The following MRC2 variants were observed in gnomAD, a reference collection of about 807,000 sequenced individuals.
MRC2 encodes C-type mannose receptor 2.
MRC2 carries 84 observed loss-of-function variants against 206.2 expected under a neutral mutation model. The observed-to-expected ratio is 0.41, with a 90% CI of 0.34 to 0.49. MRC2 has a LOEUF of 0.49. Among genes scored for constraint, MRC2 ranks in the 20% least tolerant of loss-of-function variants. The pLI is 0.31. For missense variants in MRC2, 1,676 were observed against 2,001.5 expected (o/e 0.84, Z 3.10); for synonymous variants, 798 against 800.0 (o/e 1.00, Z 0.04).
chr17:62,656,611 C>T (rs1354243924), intron 1 of MRC2, among the ~76,000 whole-genome samples: 1 of 152,212 alleles, frequency 6.6e-6, no homozygotes. Flanking sequence ...GAGGGTCCAG[C>T]CTCCAGGCAC....
chr17:62,687,450 G>A (rs149651771), intron 20 of MRC2, among the ~76,000 whole-genome samples: 163 of 152,294 alleles, frequency 1.1e-3, no homozygotes, highest in African/African-American at 3.4e-3. Context: ...GTGAGCCACC[G>A]TGCCTGGCCA....
At chr17:62,670,100 C>T (rs2088808786) in intron 6 of MRC2, among the ~76,000 whole-genome samples, 2 of 152,244 alleles carry the variant, frequency 1.3e-5, no homozygotes, top group Non-Finnish European at 2.9e-5. Context: ...TCTTCCCGGA[C>T]CTGCAGACAG....
At chr17:62,653,436 T>TC (rs1262249374) in intron 1 of MRC2, among the ~76,000 whole-genome samples, 3 of 151,924 alleles carry the variant, frequency 2.0e-5, no homozygotes, top group Non-Finnish European at 4.4e-5. Context: ...ACAGTCGCCT[T>TC]CCCCACCACC....
At chr17:62,663,141 G>T (rs2088701283) in intron 1 of MRC2, among the ~76,000 whole-genome samples, 1 of 152,030 alleles carries the variant, frequency 6.6e-6, no homozygotes, top group Non-Finnish European at 1.5e-5. Context: ...GGGACACTGG[G>T]AGTAGGTCAC....
chr17:62,666,949 G>C lies in MRC2; in HGVS notation c.973+79G>C. The C allele has an allele frequency of 3.7e-6, 4 of 1,092,434 alleles. No homozygotes were observed. In the South Asian group the frequency reaches 5.6e-5, roughly 15 times the overall value. The allele number at this position is 1,092,434 out of a possible 1,614,324, so 67.7% of individuals were successfully genotyped here. A position where few individuals can be genotyped will look rare whatever the true frequency, so the allele number is the denominator to read the frequency against. Reference sequence around the variant, plus strand: ...GCCTCCCATGGACTCCTCTCCTCATGTCCTCCTGCAGAGGGGCAGTGTGGG... The same window carrying C: ...GCCTCCCATGGACTCCTCTCCTCATCTCCTCCTGCAGAGGGGCAGTGTGGG... On this transcript the variant is annotated intron_variant, in intron 5 of 29. Coordinates refer to ENST00000303375, the MANE Select transcript of MRC2 (RefSeq NM_006039.5). The surrounding 1 kb of genome is among the most constrained non-coding windows in gnomAD (Gnocchi z 5.0).
chr17:62,690,617 T>C, intron 26 of MRC2, 25 bp from the exon 27 acceptor site: 1 of 1,578,730 alleles, frequency 6.3e-7, no homozygotes, highest in Non-Finnish European at 8.6e-7. Flanking sequence ...CCATCCGCCC[T>C]GACGTGGGCC....
Position 62,652,173 on chromosome 17 carries a change from C to T in MRC2, c.119-12375C>T, listed in dbSNP as rs1343709442. On this transcript the variant is annotated intron_variant, in intron 1 of 29. Transcript: ENST00000303375. The surrounding 1 kb of genome is among the most constrained non-coding windows in gnomAD (Gnocchi z 4.6). Reference sequence around the variant, plus strand: ...AACTACATTTTAAAAAAATGCTTTCCCCCAAATTCGTATGGATGTCTCCTA... The same window carrying T: ...AACTACATTTTAAAAAAATGCTTTCTCCCAAATTCGTATGGATGTCTCCTA... Among the ~76,000 whole-genome samples, 1 of 152,216 alleles carries T rather than the reference C, an allele frequency of 6.6e-6. No homozygotes were observed. The highest frequency in any genetic ancestry group is 1.9e-4 in the East Asian group (1 of 5,206).
At chr17:62,663,156 T>A (rs1243934313) in intron 1 of MRC2, among the ~76,000 whole-genome samples, 1 of 152,066 alleles carries the variant, frequency 6.6e-6, no homozygotes, top group African/African-American at 2.4e-5. Flanking sequence ...GGTCACTTCA[T>A]GTCTCTAAGA....
In MRC2 at chr17:62,680,650, G is replaced by C. The variant is rs1195353108; in HGVS notation, c.2474-150G>C. ...GGAGGCGAGGCAAGCCTGGGGCCTG[G>C]GGCCTGGCACGGTGCCTGCCTGGGT... On this transcript the variant is annotated intron_variant, in intron 16 of 29. Transcript: ENST00000303375. The surrounding 1 kb of genome is among the most constrained non-coding windows in gnomAD (Gnocchi z 4.8). 7.8e-7 allele frequency: 1 copy of C among 1,275,126 alleles called. No individual in the cohort carries two copies. Among genetic ancestry groups the C allele is most frequent in the Non-Finnish European group, 1.1e-6 (1 of 950,440 alleles). The allele number at this position is 1,275,126 out of a possible 1,614,324, so 79.0% of individuals were successfully genotyped here.
chr17:62,648,248 A>G (rs2088514102), intron 1 of MRC2, among the ~76,000 whole-genome samples: 1 of 152,252 alleles, frequency 6.6e-6, no homozygotes, highest in African/African-American at 2.4e-5. Flanking sequence ...TACTAAAAAT[A>G]CAAAAATAAG....
intron 18 of MRC2, 40 bp from the exon 19 acceptor site, chr17:62,681,797 G>A (rs1598994099): frequency 6.6e-7 from 1 of 1,524,218 alleles, no homozygotes; most frequent in Admixed American, 1.8e-5. Context: ...GCCCAGCTGG[G>A]GGCCGGTGCT....
rs752667622 is a variant in MRC2, at chr17:62,677,355, C to T, written c.1921C>T (p.Arg641Cys). Reference protein sequence around the residue: ...EVKNCTSFRARYICRQSLGTP... With the variant: ...EVKNCTSFRACYICRQSLGTP... The stretch of plus-strand genomic sequence containing the variant: ...GAAGAACTGTACCTCGTTCCGGGCC[C>T]GCTACATCTGCCGGCAGAGCCTGGG... Residue 641 changes from arginine to cysteine, a missense_variant, in exon 12 of 30, where the codon CGC becomes TGC. Transcript: ENST00000303375. 23 of 1,609,432 alleles carry T rather than the reference C, an allele frequency of 1.4e-5. No individual in the cohort carries two copies. Among genetic ancestry groups the T allele is most frequent in the African/African-American group, 6.7e-5 (5 of 74,900 alleles).
chr17:62,676,096 G>A (rs2088888624), intron 10 of MRC2, among the ~76,000 whole-genome samples, 191 bp downstream of exon 10: 1 of 152,226 alleles, frequency 6.6e-6, no homozygotes, highest in Admixed American at 6.5e-5. Context: ...CCCCAGTGTA[G>A]GGCAGGGCCC....
chr17:62,674,043 T>C lies in MRC2; in HGVS notation c.1462-20T>C, dbSNP rs1410557179. On this transcript the variant is annotated intron_variant, in intron 8 of 29. Transcript: ENST00000303375. Reference sequence around the variant, plus strand: ...ATGGGGAGGTGGGGGTTGAGATTCTTCCTCACCCTGTGTCCGTAGGAAGGC... The same window carrying C: ...ATGGGGAGGTGGGGGTTGAGATTCTCCCTCACCCTGTGTCCGTAGGAAGGC... 2.0e-6 allele frequency: 3 copies of C among 1,530,228 alleles called. No individual in the cohort carries two copies. In the East Asian group the frequency reaches 7.4e-5, roughly 38 times the overall value. The allele number at this position is 1,530,228 out of a possible 1,614,324, so 94.8% of individuals were successfully genotyped here. A position where few individuals can be genotyped will look rare whatever the true frequency, so the allele number is the denominator to read the frequency against.
At chr17:62,690,431 C>G in intron 26 of MRC2, 126 bp downstream of exon 26, 1 of 1,378,102 alleles carries the variant, frequency 7.3e-7, no homozygotes, top group Non-Finnish European at 9.8e-7. Context: ...AAGATGCCCT[C>G]GTGCTCTCAC....
intron 1 of MRC2, among the ~76,000 whole-genome samples, chr17:62,658,199 C>T (rs556384087): frequency 2.1e-3 from 317 of 152,262 alleles, no homozygotes; most frequent in African/African-American, 7.4e-3. Flanking sequence ...CTCCTTGTAA[C>T]GCCCCCAGAC....
rs1350862817 is a variant in MRC2 at position 62,667,568 on chromosome 17, G to T, written c.1117+35G>T. 2 of 1,574,218 alleles carry T rather than the reference G, an allele frequency of 1.3e-6. No homozygotes were observed. The highest frequency in any genetic ancestry group is 1.7e-6 in the Non-Finnish European group (2 of 1,168,518). ...GGACTGTGCCGCAGGGTGGGGAGGG[G>T]CTCCCAGGGCCAGGGACACAGCCAC... On this transcript the variant is annotated intron_variant, in intron 6 of 29. Coordinates refer to ENST00000303375, the MANE Select transcript of MRC2 (RefSeq NM_006039.5). The surrounding 1 kb of genome is among the most constrained non-coding windows in gnomAD (Gnocchi z 4.1).
In MRC2 at chr17:62,638,737, CAA is replaced by C. The variant is rs59450498; in HGVS notation, c.118+10836_118+10837del. 7.2e-3 allele frequency among the ~76,000 whole-genome samples: 612 copies of C among 85,166 alleles called. 11 individuals are homozygous for C. Among genetic ancestry groups the C allele is most frequent in the Admixed American group, 0.062 (465 of 7,542 alleles). The allele number at this position is 85,166 out of a possible 152,430, so 55.9% of individuals were successfully genotyped here. Reference sequence around the variant, plus strand: ...TGGGTGACAGAGTGAAACCCTGTCTCAAAAAAAAAAAAAAAAAAAAGAAAGAA... The same window carrying C: ...TGGGTGACAGAGTGAAACCCTGTCTCAAAAAAAAAAAAAAAAAAGAAAGAA... On this transcript the variant is annotated intron_variant, in intron 1 of 29. Transcript: ENST00000303375.
chr17:62,688,989 C>A lies in MRC2; in HGVS notation c.3334+29C>A, dbSNP rs752802542. 4 of 1,572,554 alleles carry A rather than the reference C, an allele frequency of 2.5e-6. No individual in the cohort carries two copies. The South Asian group carries it at 3.4e-5, about 13-fold the overall frequency. On this transcript the variant is annotated intron_variant, in intron 23 of 29. Coordinates refer to ENST00000303375, the MANE Select transcript of MRC2 (RefSeq NM_006039.5). ...TGTGTCACCAGTCACCTGGGAAACC[C>A]CAGTGGGGCCCTGGCACCGGGCTGG...
Sources: allele counts gnomAD v4.1 joint callset (sites outside exome capture counted in the v4.1 genomes callset), GRCh38; gene constraint gnomAD v4.1.1; non-coding constraint Gnocchi (gnomAD v3.1); transcripts MANE v1.5; gene names NCBI Gene and HGNC (gene_info 2026-07-23, HGNC 2026-07-21).